Variants in ALK observed in about 807,000 individuals in gnomAD.
ALK encodes ALK tyrosine kinase receptor.
A neutral mutation model predicts 163.1 loss-of-function variants in ALK; 74 were observed. The observed-to-expected ratio is 0.45, with a 90% confidence interval of 0.38 to 0.55. ALK has a LOEUF of 0.55. ALK is among the 20% of genes least tolerant of loss of function. The pLI is 0.00. For missense variants in ALK, 2,063 were observed against 2,105.3 expected (o/e 0.98, Z 0.39); for synonymous variants, 960 against 843.2 (o/e 1.14, Z -2.40).
intron 13 of ALK, among the ~76,000 whole-genome samples, chr2:29,235,187 C>T (rs1375146101): frequency 6.6e-6 from 1 of 152,238 alleles, no homozygotes; most frequent in Non-Finnish European, 1.5e-5. Flanking sequence ...GCCACCACAG[C>T]TCAGACGAAT....
At chr2:29,765,004 C>G (rs1053116011) in intron 1 of ALK, among the ~76,000 whole-genome samples, 1 of 152,118 alleles carries the variant, frequency 6.6e-6, no homozygotes, top group Non-Finnish European at 1.5e-5. Flanking sequence ...GGTGGCACCT[C>G]CTTCTCTCTC....
chr2:29,876,653 C>T (rs940647116), intron 1 of ALK, among the ~76,000 whole-genome samples: 11 of 137,142 alleles, frequency 8.0e-5, no homozygotes, highest in South Asian at 7.5e-4. Flanking sequence ...ATGATGGTGA[C>T]GGCGATGGTG....
intron 1 of ALK, among the ~76,000 whole-genome samples, chr2:29,846,498 C>A (rs999928757): frequency 2.6e-5 from 4 of 152,192 alleles, no homozygotes; most frequent in Admixed American, 2.6e-4. Context: ...GAGCCTGGCA[C>A]GCAGCAGGCA....
chr2:29,629,141 C>G (rs148963967), intron 3 of ALK, among the ~76,000 whole-genome samples: 1 of 152,272 alleles, frequency 6.6e-6, no homozygotes, highest in South Asian at 2.1e-4. Flanking sequence ...ACCTGAACAC[C>G]GTTGGAGACT....
At chr2:29,398,933 C>T (rs1669376510) in intron 4 of ALK, among the ~76,000 whole-genome samples, 1 of 152,186 alleles carries the variant, frequency 6.6e-6, no homozygotes, top group Non-Finnish European at 1.5e-5. Context: ...CACTCAGGCT[C>T]TTCATGGCTA....
At chr2:29,351,420 C>T (rs1168126988) in intron 5 of ALK, among the ~76,000 whole-genome samples, 1 of 152,114 alleles carries the variant, frequency 6.6e-6, no homozygotes, top group Non-Finnish European at 1.5e-5. Context: ...CAGACAAAAG[C>T]GTTAACTGCA....
At chr2:29,557,231 C>T (rs1465368702) in intron 3 of ALK, among the ~76,000 whole-genome samples, 2 of 152,140 alleles carry the variant, frequency 1.3e-5, no homozygotes, top group African/African-American at 2.4e-5. Flanking sequence ...TGAGACCTTG[C>T]TCTAAATTCT....
At chr2:29,257,984 A>G (rs906118462) in intron 11 of ALK, among the ~76,000 whole-genome samples, 2 of 152,180 alleles carry the variant, frequency 1.3e-5, no homozygotes, top group Admixed American at 6.5e-5. Context: ...GACCACAGGC[A>G]CATGCCACCA....
intron 5 of ALK, among the ~76,000 whole-genome samples, chr2:29,348,001 T>A (rs1317495724): frequency 6.6e-6 from 1 of 152,212 alleles, no homozygotes; most frequent in Non-Finnish European, 1.5e-5. Flanking sequence ...CATGAGGGTT[T>A]TGCTGCAAGG....
In ALK at chr2:29,193,674, C is replaced by T. The variant is rs1179096583; in HGVS notation, c.4413G>A (p.Val1471=). The change falls in exon 29 of 29, where the codon GTG becomes GTA. Residue 1471 remains valine (V), a synonymous_variant. Coordinates refer to ENST00000389048, the MANE Select transcript of ALK (RefSeq NM_004304.5). ...ISVRVPRGPA[V]EGGHVNMAFS... is the part of the protein sequence containing the mutation. ...ATGCCATATTCACGTGTCCCCCTTC[C>T]ACGGCCGGCCCTCTAGGGACTCGAA... 2 of 1,614,058 alleles carry T rather than the reference C, an allele frequency of 1.2e-6. No individual in the cohort carries two copies. Among genetic ancestry groups the T allele is most frequent in the Non-Finnish European group, 1.7e-6 (2 of 1,179,894 alleles).
chr2:29,271,317 A>G (rs1487142057), intron 11 of ALK, among the ~76,000 whole-genome samples: 2 of 152,264 alleles, frequency 1.3e-5, no homozygotes, highest in African/African-American at 4.8e-5. Flanking sequence ...TTTAGCAGAA[A>G]TAGACCCAAT....
intron 1 of ALK, among the ~76,000 whole-genome samples, chr2:29,770,687 G>A (rs751755293): frequency 4.6e-5 from 7 of 152,128 alleles, no homozygotes; most frequent in Non-Finnish European, 1.0e-4. Context: ...CAAGACTGGT[G>A]AAATTAAAAA....
At chr2:29,854,327 G>C (rs1046152783) in intron 1 of ALK, among the ~76,000 whole-genome samples, 2 of 152,162 alleles carry the variant, frequency 1.3e-5, no homozygotes, top group Non-Finnish European at 2.9e-5. Context: ...GCTGGGAAGT[G>C]TTTTGGTTAT....
chr2:29,224,245 T>C (rs1181932035), intron 19 of ALK, among the ~76,000 whole-genome samples: 3 of 152,108 alleles, frequency 2.0e-5, no homozygotes, highest in Admixed American at 2.0e-4. Context: ...GATCTCTGAA[T>C]TGGTGTCTGG....
At chr2:29,479,382 A>G (rs1308564399) in intron 4 of ALK, among the ~76,000 whole-genome samples, 5 of 152,218 alleles carry the variant, frequency 3.3e-5, no homozygotes, top group African/African-American at 1.2e-4. Flanking sequence ...AGGACGCTTG[A>G]ACACACAGGC....
chr2:29,774,859 A>C (rs918746701), intron 1 of ALK, among the ~76,000 whole-genome samples: 1 of 152,232 alleles, frequency 6.6e-6, no homozygotes, highest in African/African-American at 2.4e-5. Context: ...AAAAAAAATT[A>C]GTAGCTGAAA....
intron 18 of ALK, among the ~76,000 whole-genome samples, chr2:29,225,791 G>C (rs1420836127): frequency 6.6e-6 from 1 of 152,206 alleles, no homozygotes; most frequent in Non-Finnish European, 1.5e-5. Context: ...ATTTAACAGG[G>C]ATGAATATCA....
chr2:29,659,959 C>T (rs1316046294), intron 3 of ALK, among the ~76,000 whole-genome samples: 1 of 152,098 alleles, frequency 6.6e-6, no homozygotes, highest in African/African-American at 2.4e-5. Flanking sequence ...TATGCCCCTT[C>T]TTATATATCC....
chr2:29,877,399 C>T (rs1666751160), intron 1 of ALK, among the ~76,000 whole-genome samples: 1 of 152,172 alleles, frequency 6.6e-6, no homozygotes, highest in South Asian at 2.1e-4. Context: ...CACTGTCTGT[C>T]CCTTCCCAGG....
Sources: gnomAD v4.1 joint callset for allele counts (sites outside exome capture counted in the v4.1 genomes callset) on GRCh38, gnomAD v4.1.1 for gene constraint, MANE v1.5 for transcripts, NCBI Gene and HGNC (gene_info 2026-07-23, HGNC 2026-07-21) for gene names.